The following LRAT variants were observed in gnomAD, a reference collection of about 807,000 sequenced individuals.
LRAT encodes lecithin retinol acyltransferase (phosphatidylcholine--retinol O-acyltransferase).
A neutral mutation model predicts 14.2 loss-of-function variants in LRAT; 11 were observed. That is an observed-to-expected ratio of 0.78 (90% confidence interval 0.49 to 1.29). The LOEUF is 1.29. Among genes scored for constraint, LRAT ranks in the 50% most tolerant of loss-of-function variants. The probability of loss-of-function intolerance (pLI) is 0.00; values close to 1 mark genes in which losing one functional copy is unlikely to be tolerated. For missense variants in LRAT, 274 were observed against 292.4 expected (o/e 0.94, Z 0.46); for synonymous variants, 144 against 124.8 (o/e 1.15, Z -1.03).
chr4:154,751,174 A>C lies in LRAT; in HGVS notation c.*2038A>C, dbSNP rs1322727155. 6.6e-6 allele frequency: 1 copy of C among 152,220 alleles called. No individual in the cohort carries two copies. The highest frequency in any genetic ancestry group is 1.9e-4 in the East Asian group (1 of 5,196). 9.4% of individuals were successfully genotyped at this position (152,220 alleles called of 1,614,324 possible). A position where few individuals can be genotyped will look rare whatever the true frequency, so the allele number is the denominator to read the frequency against. On this transcript the variant is annotated 3_prime_UTR_variant, in exon 3 of 3. Coordinates refer to ENST00000336356, the MANE Select transcript of LRAT (RefSeq NM_004744.5). ...GGGAATACAGGGGAAGAAGCAATTA[A>C]ATCTGCTAGAAGGGTAAGAGAAATC... is the stretch of plus-strand genomic sequence containing the variant.
At position 154,749,380 on chromosome 4, in the gene LRAT, T is replaced by C. The variant is rs1732945535; in HGVS notation, c.*244T>C. On this transcript the variant is annotated 3_prime_UTR_variant, in exon 3 of 3. Coordinates refer to ENST00000336356, the MANE Select transcript of LRAT (RefSeq NM_004744.5). ...ACCTTGGAAATACGACAGGGTGTGG[T>C]AGAATTCAGCAATATGAGAAAACCA... 4.1e-6 allele frequency: 2 copies of C among 491,642 alleles called. No homozygotes were observed. Among genetic ancestry groups the C allele is most frequent in the Non-Finnish European group, 3.7e-6 (1 of 271,510 alleles). 30.5% of individuals were successfully genotyped at this position (491,642 alleles called of 1,614,324 possible). A position where few individuals can be genotyped will look rare whatever the true frequency, so the allele number is the denominator to read the frequency against.
chr4:154,741,040 G>C (rs918941200), upstream of LRAT: 1 of 152,158 alleles, frequency 6.6e-6, no homozygotes, highest in African/African-American at 2.4e-5. Context: ...ATATTATTGG[G>C]GGCATAAGCC....
Position 154,744,576 on chromosome 4 carries a change from G to C in LRAT, c.250G>C (p.Asp84His). ...CGACATCCTGTTGGCCCTGACAGAC[G>C]ACATGGGGCGCACGCAGAAGGTGGT... ...MPDILLALTD[D>H]MGRTQKVVSN... Residue 84 changes from aspartate to histidine, a missense_variant, in exon 2 of 3, where the codon GAC becomes CAC. Asp to His is a moderately conservative substitution (Grantham distance 81). Transcript: ENST00000336356. 6.2e-7 allele frequency: 1 copy of C among 1,614,120 alleles called. No individual in the cohort carries two copies. Among genetic ancestry groups the C allele is most frequent in the South Asian group, 1.1e-5 (1 of 91,070 alleles).
upstream of LRAT, among the ~76,000 whole-genome samples, chr4:154,741,563 C>T (rs950556608): frequency 3.3e-5 from 5 of 152,188 alleles, no homozygotes; most frequent in African/African-American, 1.2e-4. Context: ...GTATCTGCAT[C>T]TTGAGCCACC....
At chr4:154,747,838 T>C (rs556989521) in intron 2 of LRAT, among the ~76,000 whole-genome samples, 1 of 152,230 alleles carries the variant, frequency 6.6e-6, no homozygotes, top group East Asian at 1.9e-4. Context: ...GATAGAAAAA[T>C]AGGCCAACAT....
At chr4:154,747,536 G>A (rs1192764974) in intron 2 of LRAT, among the ~76,000 whole-genome samples, 1 of 152,032 alleles carries the variant, frequency 6.6e-6, no homozygotes, top group African/African-American at 2.4e-5. Context: ...GATGCCTGCT[G>A]GTCTGCTGAC....
rs1459043417 is a variant in LRAT, at chr4:154,750,530, CCAAT to C, written c.*1397_*1400del. The C allele has an allele frequency of 3.3e-5, 5 of 151,930 alleles. No individual in the cohort carries two copies. The highest frequency in any genetic ancestry group is 5.9e-5 in the Non-Finnish European group (4 of 67,958). 9.4% of individuals were successfully genotyped at this position (151,930 alleles called of 1,614,324 possible). On this transcript the variant is annotated 3_prime_UTR_variant, in exon 3 of 3. Coordinates refer to ENST00000336356, the MANE Select transcript of LRAT (RefSeq NM_004744.5). ...ATGAGTGAATATGGGGAGGGCGGGG[CCAAT>C]CAGTCAATGATAATCTGAACAAATT...
At position 154,749,087 on chromosome 4, in the gene LRAT, C is replaced by A. The variant is rs754566272; in HGVS notation, c.644C>A (p.Thr215Asn). 3 of 1,613,854 alleles carry A rather than the reference C, an allele frequency of 1.9e-6. No homozygotes were observed. The East Asian group carries it at 6.7e-5, about 36-fold the overall frequency. Residue 215 changes from threonine (T) to asparagine (N), a missense_variant, in exon 3 of 3, where the codon ACT becomes AAT. Transcript: ENST00000336356. ...SIVCTGLVSY[T>N]TLPAIFIPFF... is the part of the protein sequence containing the mutation. ...GTCTGTACGGGCTTGGTATCATACA[C>A]TACCCTTCCTGCAATTTTTATTCCA...
intron 2 of LRAT, among the ~76,000 whole-genome samples, chr4:154,745,863 C>T (rs940981287): frequency 6.6e-6 from 1 of 152,126 alleles, no homozygotes; most frequent in Admixed American, 6.5e-5. Flanking sequence ...CTTTGATCCT[C>T]ATCTAGACTT....
At position 154,749,807 on chromosome 4, in the gene LRAT, A is replaced by G. The variant is rs886059167; in HGVS notation, c.*671A>G. On this transcript the variant is annotated 3_prime_UTR_variant, in exon 3 of 3. Coordinates refer to ENST00000336356, the MANE Select transcript of LRAT (RefSeq NM_004744.5). The stretch of plus-strand genomic sequence containing the variant: ...CACTTGAACAATTTGATTTGGCTTT[A>G]CTTACTAGGAAGCCTGGAATTCATT... 3 of 152,192 alleles carry G rather than the reference A, an allele frequency of 2.0e-5. No homozygotes were observed. Among genetic ancestry groups the G allele is most frequent in the Non-Finnish European group, 4.4e-5 (3 of 68,044 alleles). The allele number at this position is 152,192 out of a possible 1,614,324, so 9.4% of individuals were successfully genotyped here. A position where few individuals can be genotyped will look rare whatever the true frequency, so the allele number is the denominator to read the frequency against.
At chr4:154,745,338 A>AT (rs56983649) in intron 2 of LRAT, 3,785 of 169,458 alleles carry the variant, frequency 0.022, 163 homozygotes, top group African/African-American at 0.084. Context: ...ACATTCTTAA[A>AT]GTTCTAGATT....
intron 2 of LRAT, 123 bp from the exon 3 acceptor site, chr4:154,748,861 A>T: frequency 1.1e-6 from 1 of 914,016 alleles, no homozygotes; most frequent in Non-Finnish European, 1.7e-6. Context: ...TGTAAGTCAT[A>T]AGAAAAAGTC....
intron 2 of LRAT, among the ~76,000 whole-genome samples, chr4:154,747,899 GAT>G (rs1241784956): frequency 6.6e-6 from 1 of 152,092 alleles, no homozygotes; most frequent in Non-Finnish European, 1.5e-5. Flanking sequence ...TATGGATAGA[GAT>G]AACCATACTG....
intron 2 of LRAT, among the ~76,000 whole-genome samples, chr4:154,747,204 A>G (rs1366731267): frequency 1.3e-5 from 2 of 152,186 alleles, no homozygotes; most frequent in African/African-American, 4.8e-5. Context: ...TTAGTTTGCA[A>G]ATGAATGAAC....
In LRAT at chr4:154,748,446, C is replaced by G. The variant is rs1732924399; in HGVS notation, c.541-538C>G. On this transcript the variant is annotated intron_variant, in intron 2 of 2. Coordinates refer to ENST00000336356, the MANE Select transcript of LRAT (RefSeq NM_004744.5). ...CCAGTTATGTGTCACATAATTGATC[C>G]TGAATTTAGCATATTTAGTCAGGAA... 4 of 948,626 alleles carry G rather than the reference C, an allele frequency of 4.2e-6. No individual in the cohort carries two copies. In the South Asian group the frequency reaches 1.9e-4, roughly 45 times the overall value. 58.8% of individuals were successfully genotyped at this position (948,626 alleles called of 1,614,324 possible).
At position 154,749,014 on chromosome 4, in the gene LRAT, G is replaced by C. The variant is rs777969523; in HGVS notation, c.571G>C (p.Asp191His). Residue 191 changes from aspartate to histidine, a missense_variant, in exon 3 of 3, where the codon GAT becomes CAT. By Grantham distance (81) the Asp-to-His change is moderately conservative. Coordinates refer to ENST00000336356, the MANE Select transcript of LRAT (RefSeq NM_004744.5). ...TGAGACTGTGAAGATAATTATTCGT[G>C]ATCAGAGAAGTGTTCTTGCTTCAGC... ...FCETVKIIIR[D>H]QRSVLASAVL... The C allele has an allele frequency of 1.2e-6, 2 of 1,613,566 alleles. No individual in the cohort carries two copies. The highest frequency in any genetic ancestry group is 1.7e-6 in the Non-Finnish European group (2 of 1,179,714).
chr4:154,751,939 C>A lies in LRAT; in HGVS notation c.*2803C>A, dbSNP rs1733005546. The A allele has an allele frequency of 6.6e-6, 1 of 151,876 alleles. No individual in the cohort carries two copies. Among genetic ancestry groups the A allele is most frequent in the South Asian group, 2.1e-4 (1 of 4,820 alleles). The allele number at this position is 151,876 out of a possible 1,614,324, so 9.4% of individuals were successfully genotyped here. On this transcript the variant is annotated 3_prime_UTR_variant, in exon 3 of 3. Coordinates refer to ENST00000336356, the MANE Select transcript of LRAT (RefSeq NM_004744.5). ...TAGTGTCTGATGAAGTTTTTTCATGCTTATTTTATTCTTTGTCACAGATGA... is the reference window on the plus strand; with the variant it reads ...TAGTGTCTGATGAAGTTTTTTCATGATTATTTTATTCTTTGTCACAGATGA...
chr4:154,751,197 A>C lies in LRAT; in HGVS notation c.*2061A>C, dbSNP rs1173137179. 1 of 152,248 alleles carries C rather than the reference A, an allele frequency of 6.6e-6. No individual in the cohort carries two copies. The allele number at this position is 152,248 out of a possible 1,614,324, so 9.4% of individuals were successfully genotyped here. On this transcript the variant is annotated 3_prime_UTR_variant, in exon 3 of 3. Coordinates refer to ENST00000336356, the MANE Select transcript of LRAT (RefSeq NM_004744.5). ...TAAATCTGCTAGAAGGGTAAGAGAA[A>C]TCTGTATGCAGGAGGCAATGCTAGC...
At chr4:154,748,208 G>A in intron 2 of LRAT, 3 of 984,958 alleles carry the variant, frequency 3.0e-6, no homozygotes, top group Non-Finnish European at 3.6e-6. Context: ...GAATACAGAG[G>A]ACTTGTGCAT....
Sources: gnomAD v4.1 joint callset for allele counts (sites outside exome capture counted in the v4.1 genomes callset) on GRCh38, gnomAD v4.1.1 for gene constraint, MANE v1.5 for transcripts, NCBI Gene and HGNC (gene_info 2026-07-23, HGNC 2026-07-21) for gene names.